Variants in DLG2 observed in about 807,000 individuals in gnomAD.
The protein encoded by DLG2 is disks large homolog 2.
Under a neutral mutation model 132.5 loss-of-function variants are expected in DLG2, and 45 were observed. The observed-to-expected ratio is 0.34, with a 90% CI of 0.27 to 0.44. The LOEUF (loss-of-function observed/expected upper bound fraction) is 0.44, where lower values mean the gene tolerates loss of function less well. Among genes scored for constraint, DLG2 ranks in the 20% least tolerant of loss-of-function variants. The pLI is 1.00. For synonymous variants in DLG2, 424 were observed against 419.6 expected (o/e 1.01, Z -0.13); for missense variants, 1,045 against 1,196.9 (o/e 0.87, Z 1.87).
At position 84,204,748 on chromosome 11, in the gene DLG2, C is replaced by T. The variant is rs2096643786; in HGVS notation, c.574-41237G>A. Among the ~76,000 whole-genome samples, 6 of 152,102 alleles carry T rather than the reference C, an allele frequency of 3.9e-5. No homozygotes were observed. In the South Asian group the frequency reaches 1.0e-3, roughly 26 times the overall value. ...TTATTATTCTTTTGAGATAGAGTCT[C>T]ATTCTGTCTCCAGGACTGGAGTGGT... is the stretch of plus-strand genomic sequence containing the variant. On this transcript the variant is annotated intron_variant, in intron 8 of 27. Transcript: ENST00000376104.
intron 17 of DLG2, among the ~76,000 whole-genome samples, chr11:83,826,878 T>C (rs770734888): frequency 2.6e-5 from 4 of 152,170 alleles, no homozygotes; most frequent in Non-Finnish European, 5.9e-5. Context: ...TGTTTCACTT[T>C]TGGGGACAAG....
At chr11:85,031,502 T>C (rs1180063995) in intron 6 of DLG2, among the ~76,000 whole-genome samples, 2 of 152,188 alleles carry the variant, frequency 1.3e-5, no homozygotes, top group Non-Finnish European at 2.9e-5. Context: ...TTTCTACTTC[T>C]TTGCTTTTGT....
intron 6 of DLG2, among the ~76,000 whole-genome samples, chr11:84,879,367 T>C (rs2086921818): frequency 6.6e-6 from 1 of 152,170 alleles, no homozygotes; most frequent in Non-Finnish European, 1.5e-5. Flanking sequence ...ATAAGATAAT[T>C]CTTGGCTTTC....
intron 6 of DLG2, among the ~76,000 whole-genome samples, chr11:84,897,546 G>C (rs2090365332): frequency 2.0e-5 from 3 of 151,704 alleles, no homozygotes; most frequent in Admixed American, 1.3e-4. Context: ...TGGCAACCAT[G>C]ATCATTTTTT....
intron 5 of DLG2, among the ~76,000 whole-genome samples, chr11:85,141,551 T>C (rs2076480037): frequency 6.6e-6 from 1 of 151,864 alleles, no homozygotes; most frequent in Admixed American, 6.6e-5. Context: ...GAGAACTTTT[T>C]AGCTTGATGT....
chr11:83,869,657 T>C (rs1055941654), intron 16 of DLG2, among the ~76,000 whole-genome samples: 1 of 152,244 alleles, frequency 6.6e-6, no homozygotes, highest in Non-Finnish European at 1.5e-5. Flanking sequence ...TTTTTCTTTT[T>C]GATACTCATA....
chr11:84,783,351 T>A (rs936520540), intron 6 of DLG2, among the ~76,000 whole-genome samples: 1 of 152,178 alleles, frequency 6.6e-6, no homozygotes, highest in African/African-American at 2.4e-5. Flanking sequence ...GTTCTGACAC[T>A]GTCTGACTCC....
At chr11:84,210,544 A>AAAAG (rs1566940177) in intron 8 of DLG2, among the ~76,000 whole-genome samples, 8 of 147,870 alleles carry the variant, frequency 5.4e-5, no homozygotes, top group Non-Finnish European at 1.0e-4. Context: ...AAAAAAAAAA[A>AAAAG]AAGAATCTTC....
intron 6 of DLG2, among the ~76,000 whole-genome samples, chr11:84,885,184 G>T (rs1463499874): frequency 6.6e-6 from 1 of 152,060 alleles, no homozygotes; most frequent in Non-Finnish European, 1.5e-5. Context: ...CCCTGGCAAA[G>T]GTTGTTTGCA....
intron 2 of DLG2, among the ~76,000 whole-genome samples, chr11:85,599,476 A>C (rs1274803177): frequency 6.6e-6 from 1 of 151,992 alleles, no homozygotes; most frequent in Non-Finnish European, 1.5e-5. Flanking sequence ...GCTATCTTGA[A>C]AAGGGGTTCT....
intron 15 of DLG2, among the ~76,000 whole-genome samples, chr11:83,895,191 GC>G (rs1197488023): frequency 1.0e-5 from 1 of 98,078 alleles, no homozygotes; most frequent in Non-Finnish European, 1.9e-5. Context: ...TGCTCTTGTT[GC>G]CCAGGTTGCC....
At chr11:85,442,933 G>A (rs59015145) in intron 3 of DLG2, among the ~76,000 whole-genome samples, 17,371 of 151,616 alleles carry the variant, frequency 0.11, 1,197 homozygotes, top group African/African-American at 0.19. Flanking sequence ...AGAAGAAGGA[G>A]GAAGAAGGAG....
intron 7 of DLG2, among the ~76,000 whole-genome samples, chr11:84,271,630 T>C (rs991121048): frequency 1.3e-5 from 2 of 152,192 alleles, no homozygotes; most frequent in Non-Finnish European, 2.9e-5. Context: ...CCAAGCACTC[T>C]TTATGTGCCA....
intron 6 of DLG2, among the ~76,000 whole-genome samples, chr11:84,827,646 A>G (rs1204910931): frequency 2.1e-5 from 3 of 139,884 alleles, no homozygotes; most frequent in African/African-American, 8.0e-5. Context: ...TGGGAACATG[A>G]TAATAAGGCT....
At chr11:84,815,625 A>G (rs1455875319) in intron 6 of DLG2, among the ~76,000 whole-genome samples, 1 of 152,116 alleles carries the variant, frequency 6.6e-6, no homozygotes, top group Non-Finnish European at 1.5e-5. Context: ...AGCTAGAGAT[A>G]TCCTTCATTA....
At chr11:84,605,882 A>C (rs1250301792) in intron 6 of DLG2, among the ~76,000 whole-genome samples, 1 of 152,010 alleles carries the variant, frequency 6.6e-6, no homozygotes, top group Non-Finnish European at 1.5e-5. Flanking sequence ...CATGCTGTGG[A>C]ATTTACAACC....
chr11:84,016,348 A>G (rs1039652821), intron 11 of DLG2, among the ~76,000 whole-genome samples: 1 of 151,850 alleles, frequency 6.6e-6, no homozygotes, highest in African/African-American at 2.4e-5. Flanking sequence ...CTCTGTTGAT[A>G]GTTTCTTATA....
intron 7 of DLG2, among the ~76,000 whole-genome samples, chr11:84,529,190 C>T (rs567033312): frequency 6.6e-6 from 1 of 152,270 alleles, no homozygotes; most frequent in South Asian, 2.1e-4. Context: ...CCAGATCATA[C>T]TGAATGGACA....
intron 6 of DLG2, among the ~76,000 whole-genome samples, chr11:84,574,970 TC>T (rs1220955337): frequency 6.6e-6 from 1 of 152,076 alleles, no homozygotes; most frequent in Non-Finnish European, 1.5e-5. Context: ...TTTGAGATCA[TC>T]CCTCCTCACA....
Sources: gnomAD v4.1 joint callset for allele counts (sites outside exome capture counted in the v4.1 genomes callset) on GRCh38, gnomAD v4.1.1 for gene constraint, MANE v1.5 for transcripts, NCBI Gene and HGNC (gene_info 2026-07-23, HGNC 2026-07-21) for gene names.